Variants in SCP2 observed in about 807,000 individuals in gnomAD.
The protein encoded by SCP2 is SCP-2/3-oxoacyl-CoA thiolase.
In SCP2, 48 loss-of-function variants were observed where a neutral mutation model predicts 71.4. The ratio of observed to expected loss-of-function variants is 0.67; its 90% CI spans 0.53 to 0.86. SCP2 has a LOEUF of 0.86. Among genes scored for constraint, SCP2 ranks in the 40% least tolerant of loss-of-function variants. The pLI is 0.00. For missense variants in SCP2, 560 were observed against 655.6 expected (o/e 0.85, Z 1.59); for synonymous variants, 220 against 218.1 (o/e 1.01, Z -0.08).
chr1:53,021,662 T>TGG (rs757178786), intron 12 of SCP2, among the ~76,000 whole-genome samples: 5,516 of 145,936 alleles, frequency 0.038, 223 homozygotes, highest in East Asian at 0.21. Context: ...TTTTTTTTTT[T>TGG]GGGACAGAGT....
chr1:52,999,527 T>G (rs1392604659), intron 11 of SCP2, among the ~76,000 whole-genome samples: 1 of 152,194 alleles, frequency 6.6e-6, no homozygotes, highest in African/African-American at 2.4e-5. Context: ...TTTCTGATTT[T>G]GTTTAGATCT....
At chr1:52,938,324 A>G (rs1653918667) in intron 1 of SCP2, among the ~76,000 whole-genome samples, 1 of 152,146 alleles carries the variant, frequency 6.6e-6, no homozygotes, top group South Asian at 2.1e-4. Context: ...TGTAAAATGT[A>G]TTTTATTTTG....
Position 53,024,570 on chromosome 1 carries a change from T to TC in SCP2, c.1236-3399_1236-3398insC, listed in dbSNP as rs199987653. 3.3e-4 allele frequency among the ~76,000 whole-genome samples: 47 copies of TC among 142,876 alleles called. No individual in the cohort carries two copies. In the East Asian group the frequency reaches 6.2e-3, roughly 19 times the overall value. 93.7% of individuals were successfully genotyped at this position (142,876 alleles called of 152,430 possible). A position where few individuals can be genotyped will look rare whatever the true frequency, so the allele number is the denominator to read the frequency against. On this transcript the variant is annotated intron_variant, in intron 12 of 15. Transcript: ENST00000371514. ...GAAATGCTACATTTCTTTCTTTCTT[T>TC]TTTTTTCTTTTTTTTTTTGAGATGG...
At chr1:52,964,974 G>T (rs1202936702) in intron 6 of SCP2, among the ~76,000 whole-genome samples, 2 of 152,150 alleles carry the variant, frequency 1.3e-5, no homozygotes, top group Non-Finnish European at 2.9e-5. Flanking sequence ...TCGCGCCACT[G>T]CACTCTAGCC....
At chr1:52,979,826 T>C (rs1237327089) in intron 9 of SCP2, among the ~76,000 whole-genome samples, 2 of 152,094 alleles carry the variant, frequency 1.3e-5, no homozygotes, top group Non-Finnish European at 2.9e-5. Flanking sequence ...TGTACATCCT[T>C]CTCCTAGATG....
intron 1 of SCP2, among the ~76,000 whole-genome samples, chr1:52,939,794 C>T (rs924216198): frequency 3.3e-5 from 5 of 152,074 alleles, no homozygotes; most frequent in East Asian, 1.9e-4. Flanking sequence ...CTCAGCCTCC[C>T]GAGTAGCTGG....
intron 9 of SCP2, among the ~76,000 whole-genome samples, chr1:52,979,361 T>G (rs1219027341): frequency 6.6e-6 from 1 of 150,414 alleles, no homozygotes; most frequent in Non-Finnish European, 1.5e-5. Context: ...TTTTTTTTTT[T>G]GTAAAGACAC....
chr1:52,944,753 G>A (rs576613895), intron 2 of SCP2, among the ~76,000 whole-genome samples: 10 of 152,060 alleles, frequency 6.6e-5, no homozygotes, highest in African/African-American at 2.4e-4. Flanking sequence ...CGGGCATGGT[G>A]ACTCACGCCT....
chr1:52,977,372 G>A (rs1355898819), intron 8 of SCP2, among the ~76,000 whole-genome samples: 1 of 152,146 alleles, frequency 6.6e-6, no homozygotes, highest in Non-Finnish European at 1.5e-5. Context: ...AAGTCTAACT[G>A]AACTCCCAGA....
At chr1:52,935,282 A>G (rs1345137137) in intron 1 of SCP2, among the ~76,000 whole-genome samples, 2 of 151,032 alleles carry the variant, frequency 1.3e-5, no homozygotes, top group Non-Finnish European at 1.5e-5. Flanking sequence ...AATAAAATAA[A>G]AAAAGAAACC....
intron 14 of SCP2, among the ~76,000 whole-genome samples, chr1:53,044,121 C>T (rs7521090): frequency 0.21 from 32,282 of 151,788 alleles, 6,031 homozygotes; most frequent in African/African-American, 0.5. Context: ...TGCAATGGCA[C>T]GAACTTGGCT....
At chr1:52,975,807 A>G (rs1450039233) in intron 7 of SCP2, among the ~76,000 whole-genome samples, 1 of 152,164 alleles carries the variant, frequency 6.6e-6, no homozygotes, top group Admixed American at 6.5e-5. Context: ...ATTGCAACTC[A>G]ATTCTGGCAT....
chr1:52,952,915 CCT>C (rs1655447444), intron 4 of SCP2, among the ~76,000 whole-genome samples: 1 of 151,908 alleles, frequency 6.6e-6, no homozygotes, highest in South Asian at 2.1e-4. Context: ...TTTATTAGGT[CCT>C]CTCTCTGTTC....
chr1:52,984,933 A>G (rs562028685), intron 10 of SCP2, among the ~76,000 whole-genome samples: 1 of 138,224 alleles, frequency 7.2e-6, no homozygotes, highest in South Asian at 2.4e-4. Context: ...TCCCCTTCTC[A>G]GGTTCAGGCG....
In SCP2 at chr1:53,028,052, T is replaced by C. The variant is rs1401915573; in HGVS notation, c.1319T>C (p.Ile440Thr). ...AAGGCAAATCTTGTTTTTAAGGAGA[T>C]TGAGAAGAAACTTGAAGAGGTAAGA... ...GFKANLVFKE[I>T]EKKLEEEGEQ... Residue 440 changes from isoleucine to threonine, a missense_variant, in exon 13 of 16, where the codon ATT (isoleucine) becomes ACT (threonine). By Grantham distance (89) the Ile-to-Thr change is moderately conservative (BLOSUM62 -1). Around this residue, in one of 3 missense-constraint regions of SCP2, gnomAD observed 513 missense variants for 573.1 expected, o/e 0.90. Transcript: ENST00000371514. 2 of 1,599,830 alleles carry C rather than the reference T, an allele frequency of 1.3e-6. No individual in the cohort carries two copies. Among genetic ancestry groups the C allele is most frequent in the Non-Finnish European group, 8.6e-7 (1 of 1,167,260 alleles).
chr1:52,970,628 A>G (rs1347130002), intron 6 of SCP2, among the ~76,000 whole-genome samples: 4 of 150,534 alleles, frequency 2.7e-5, no homozygotes, highest in African/African-American at 9.8e-5. Flanking sequence ...TCATGGTTTG[A>G]TCTATAGGAA....
At chr1:53,030,014 G>A (rs1032354808) in intron 13 of SCP2, among the ~76,000 whole-genome samples, 2 of 151,764 alleles carry the variant, frequency 1.3e-5, no homozygotes, top group Admixed American at 6.6e-5. Context: ...TCAGCCTCCC[G>A]AGTAGCTGGC....
chr1:52,952,071 A>G (rs1315291667), intron 4 of SCP2, among the ~76,000 whole-genome samples: 1 of 152,110 alleles, frequency 6.6e-6, no homozygotes, highest in Non-Finnish European at 1.5e-5. Flanking sequence ...ACACCTGGTC[A>G]TATTAGAACA....
intron 6 of SCP2, among the ~76,000 whole-genome samples, chr1:52,966,533 T>G (rs1187421812): frequency 6.6e-6 from 1 of 151,658 alleles, no homozygotes; most frequent in Non-Finnish European, 1.5e-5. Context: ...AATCATTATT[T>G]GTAAGTGATA....
Sources: gnomAD v4.1 joint callset for allele counts (sites outside exome capture counted in the v4.1 genomes callset) on GRCh38, gnomAD v4.1.1 for gene constraint, gnomAD v4.1.1 regional missense constraint, MANE v1.5 for transcripts, NCBI Gene and HGNC (gene_info 2026-07-23, HGNC 2026-07-21) for gene names.